Variants in SNX30 observed in about 807,000 individuals in gnomAD.
The protein encoded by SNX30 is sorting nexin family member 30, also known as sorting nexin-30.
SNX30 carries 24 observed loss-of-function variants against 46.4 expected under a neutral mutation model. The ratio of observed to expected loss-of-function variants is 0.52; its 90% CI spans 0.37 to 0.73. The LOEUF is 0.73. Among genes scored for constraint, SNX30 ranks in the 30% least tolerant of loss-of-function variants. The pLI is 0.00. For missense variants in SNX30, 533 were observed against 555.7 expected (o/e 0.96, Z 0.41); for synonymous variants, 189 against 211.5 (o/e 0.89, Z 0.92).
intron 5 of SNX30, among the ~76,000 whole-genome samples, chr9:112,837,960 G>A (rs1438985242): frequency 1.4e-5 from 2 of 142,406 alleles, no homozygotes; most frequent in Non-Finnish European, 3.0e-5. Context: ...GAGTGATCTT[G>A]GCTCACTGCA....
downstream of SNX30, among the ~76,000 whole-genome samples, chr9:112,882,908 A>G (rs1376227864): frequency 6.6e-6 from 1 of 152,238 alleles, no homozygotes; most frequent in Non-Finnish European, 1.5e-5. Flanking sequence ...AACAATTCCT[A>G]CATGGGAGGT....
chr9:112,763,917 T>C (rs988467133), intron 1 of SNX30, among the ~76,000 whole-genome samples: 6 of 152,086 alleles, frequency 3.9e-5, no homozygotes, highest in Non-Finnish European at 5.9e-5. Context: ...CATGGATAGA[T>C]TGTGTAGTGA....
intron 1 of SNX30, among the ~76,000 whole-genome samples, chr9:112,758,266 T>G (rs896980808): frequency 6.6e-6 from 1 of 152,068 alleles, no homozygotes; most frequent in African/African-American, 2.4e-5. Context: ...GACTTACCCC[T>G]GTATCTTTGG....
chr9:112,824,482 G>A (rs1296073814), intron 3 of SNX30, among the ~76,000 whole-genome samples: 3 of 151,432 alleles, frequency 2.0e-5, no homozygotes, highest in Non-Finnish European at 4.4e-5. Flanking sequence ...TCAGCTCATG[G>A]CCAATCTTGT....
chr9:112,813,469 AT>A (rs34581439), intron 2 of SNX30, among the ~76,000 whole-genome samples: 2,375 of 132,276 alleles, frequency 0.018, 45 homozygotes, highest in East Asian at 0.12. Flanking sequence ...ACTGTATTTA[AT>A]TTTTTTTTTT....
intron 1 of SNX30, among the ~76,000 whole-genome samples, chr9:112,794,058 C>G (rs956448035): frequency 1.3e-5 from 2 of 152,064 alleles, no homozygotes; most frequent in Non-Finnish European, 2.9e-5. Context: ...TGAGATTATC[C>G]CTTTGAGTTT....
intron 6 of SNX30, among the ~76,000 whole-genome samples, chr9:112,849,552 G>A (rs1217054331): frequency 6.6e-6 from 1 of 152,184 alleles, no homozygotes; most frequent in Non-Finnish European, 1.5e-5. Flanking sequence ...GGGCACTTAG[G>A]AGACAGCTGA....
intron 7 of SNX30, among the ~76,000 whole-genome samples, chr9:112,862,663 G>T (rs1588142318): frequency 6.6e-6 from 1 of 152,020 alleles, no homozygotes; most frequent in South Asian, 2.1e-4. Context: ...GTGCTTTGGG[G>T]GACCGAGGTG....
intron 1 of SNX30, among the ~76,000 whole-genome samples, chr9:112,785,634 T>C (rs1839913052): frequency 6.6e-6 from 1 of 152,162 alleles, no homozygotes; most frequent in Admixed American, 6.5e-5. Flanking sequence ...TCTGCCTGCC[T>C]TGGCTTTCCA....
intron 3 of SNX30, among the ~76,000 whole-genome samples, chr9:112,820,188 G>A (rs1840470387): frequency 6.6e-6 from 1 of 152,224 alleles, no homozygotes; most frequent in African/African-American, 2.4e-5. Context: ...GGTCTGGATA[G>A]AAGCAGTTGG....
chr9:112,788,322 T>C (rs1839963641), intron 1 of SNX30, among the ~76,000 whole-genome samples: 1 of 152,180 alleles, frequency 6.6e-6, no homozygotes, highest in Non-Finnish European at 1.5e-5. Context: ...TCTTGGACTT[T>C]CCTTAGGCAC....
intron 2 of SNX30, among the ~76,000 whole-genome samples, chr9:112,816,587 A>G (rs560082319): frequency 6.6e-6 from 1 of 152,288 alleles, no homozygotes; most frequent in South Asian, 2.1e-4. Flanking sequence ...GAACTTCACC[A>G]TTTTGCTAAG....
At chr9:112,781,970 A>G (rs1209982668) in intron 1 of SNX30, among the ~76,000 whole-genome samples, 2 of 152,242 alleles carry the variant, frequency 1.3e-5, no homozygotes, top group African/African-American at 4.8e-5. Context: ...TGATTTTTAC[A>G]TTTCTAAGTG....
Position 112,874,106 on chromosome 9 carries a change from G to C in SNX30, c.*5263G>C, listed in dbSNP as rs1173856746. The C allele has an allele frequency of 6.6e-6, 1 of 152,238 alleles. No individual in the cohort carries two copies. Among genetic ancestry groups the C allele is most frequent in the Non-Finnish European group, 1.5e-5 (1 of 68,034 alleles). 9.4% of individuals were successfully genotyped at this position (152,238 alleles called of 1,614,324 possible). ...ACTTCAGTCAGAAATGTTACTGGGA[G>C]GAGGAAAGGAAAATCACTTTTTTTC... On this transcript the variant is annotated 3_prime_UTR_variant, in exon 9 of 9. Coordinates refer to ENST00000374232, the MANE Select transcript of SNX30 (RefSeq NM_001012994.2).
At chr9:112,789,200 C>T (rs1247502138) in intron 1 of SNX30, among the ~76,000 whole-genome samples, 1 of 152,116 alleles carries the variant, frequency 6.6e-6, no homozygotes. Context: ...GTTGAGTCCT[C>T]CAGGTGGCAT....
intron 3 of SNX30, among the ~76,000 whole-genome samples, chr9:112,819,017 A>T (rs1191782524): frequency 6.6e-6 from 1 of 152,208 alleles, no homozygotes; most frequent in African/African-American, 2.4e-5. Flanking sequence ...TATTCCTTAA[A>T]ATAGAATCTT....
At chr9:112,756,037 A>G (rs1226579286) in intron 1 of SNX30, among the ~76,000 whole-genome samples, 1 of 152,170 alleles carries the variant, frequency 6.6e-6, no homozygotes, top group Non-Finnish European at 1.5e-5. Flanking sequence ...TGGGGAATAT[A>G]TACATGAAGT....
intron 1 of SNX30, among the ~76,000 whole-genome samples, chr9:112,752,145 G>A (rs543955710): frequency 3.0e-4 from 45 of 152,250 alleles, no homozygotes; most frequent in African/African-American, 1.0e-3. Context: ...CCCGTTAGAG[G>A]GGACACCATG....
At chr9:112,767,567 CTTTAT>C (rs1737039564) in intron 1 of SNX30, among the ~76,000 whole-genome samples, 1 of 151,678 alleles carries the variant, frequency 6.6e-6, no homozygotes, top group Non-Finnish European at 1.5e-5. Flanking sequence ...ATGTTTAGGT[CTTTAT>C]TTTAAGTTAC....
Sources: gnomAD v4.1 joint callset for allele counts (sites outside exome capture counted in the v4.1 genomes callset) on GRCh38, gnomAD v4.1.1 for gene constraint, MANE v1.5 for transcripts, NCBI Gene and HGNC (gene_info 2026-07-23, HGNC 2026-07-21) for gene names.